Variants in PIK3C2G observed in about 807,000 individuals in gnomAD.
PIK3C2G encodes phosphatidylinositol-4-phosphate 3-kinase catalytic subunit type 2 gamma, also known as phosphatidylinositol 3-kinase C2 domain-containing subunit gamma.
PIK3C2G carries 168 observed loss-of-function variants against 181.1 expected under a neutral mutation model. The observed-to-expected ratio is 0.93, with a 90% CI of 0.82 to 1.05. PIK3C2G has a LOEUF of 1.05. Ranked by LOEUF, PIK3C2G falls within the 50% of genes least tolerant of loss-of-function variation. The pLI, the probability that PIK3C2G is intolerant of heterozygous loss-of-function variation, is 0.00. For synonymous variants in PIK3C2G, 573 were observed against 592.2 expected, an observed-to-expected ratio of 0.97 and a Z score of 0.47; for missense variants, 1,869 against 1,732.8, an observed-to-expected ratio of 1.08 and a Z score of -1.40.
At chr12:18,390,041 G>C (rs1412512891) in intron 14 of PIK3C2G, among the ~76,000 whole-genome samples, 2 of 152,076 alleles carry the variant, frequency 1.3e-5, no homozygotes, top group Non-Finnish European at 2.9e-5. Context: ...TCTTTGTCAA[G>C]AGGCAAACTT....
chr12:18,334,869 G>T (rs1356948749), intron 8 of PIK3C2G, among the ~76,000 whole-genome samples: 1 of 152,008 alleles, frequency 6.6e-6, no homozygotes, highest in Non-Finnish European at 1.5e-5. Flanking sequence ...GCATGCATTT[G>T]TATATGTATG....
At chr12:18,698,463 T>C in the PIK3C2G span, among the ~76,000 whole-genome samples, 2 of 152,106 alleles carry the variant, frequency 1.3e-5, no homozygotes, top group Admixed American at 6.6e-5. Context: ...TTAGAGAATA[T>C]GAACTAAAGT....
intron 5 of PIK3C2G, among the ~76,000 whole-genome samples, chr12:18,313,087 A>G (rs1203487298): frequency 6.6e-6 from 1 of 152,154 alleles, no homozygotes; most frequent in Non-Finnish European, 1.5e-5. Flanking sequence ...GTGCATTAAC[A>G]TAACTCATCC....
At chr12:18,356,289 C>G (rs890378073) in intron 11 of PIK3C2G, among the ~76,000 whole-genome samples, 1 of 152,100 alleles carries the variant, frequency 6.6e-6, no homozygotes, top group African/African-American at 2.4e-5. Flanking sequence ...TTCCCTTGAC[C>G]CCTTCACAGG....
the PIK3C2G span, chr12:18,719,393 AT>A: frequency 1.6e-6 from 2 of 1,245,162 alleles, no homozygotes; most frequent in South Asian, 4.3e-5. Context: ...ACTTCCAAGT[AT>A]TTTTAAATGT....
At chr12:18,394,342 C>A (rs1943728521) in intron 15 of PIK3C2G, among the ~76,000 whole-genome samples, 1 of 152,054 alleles carries the variant, frequency 6.6e-6, no homozygotes, top group South Asian at 2.1e-4. Flanking sequence ...AGAATGCTGA[C>A]TCTCAATAAT....
intron 5 of PIK3C2G, among the ~76,000 whole-genome samples, chr12:18,303,886 T>A (rs997030570): frequency 9.9e-5 from 15 of 152,166 alleles, no homozygotes; most frequent in African/African-American, 2.4e-5. Context: ...ACAATTTTTT[T>A]ATTATTTAAT....
At chr12:18,673,394 TATC>T in the PIK3C2G span, among the ~76,000 whole-genome samples, 2 of 151,910 alleles carry the variant, frequency 1.3e-5, no homozygotes, top group African/African-American at 4.8e-5. Flanking sequence ...TATATGAAAA[TATC>T]ATAAACAGAG....
the PIK3C2G span, among the ~76,000 whole-genome samples, chr12:18,692,166 G>T: frequency 6.6e-6 from 1 of 152,162 alleles, no homozygotes; most frequent in Non-Finnish European, 1.5e-5. Flanking sequence ...GCTTCACTAA[G>T]TAATGACATT....
At position 18,538,391 on chromosome 12, in the gene PIK3C2G, G is replaced by A; in HGVS notation, c.3480+79G>A. 5.6e-6 allele frequency: 7 copies of A among 1,249,556 alleles called. No homozygotes were observed. In the South Asian group the frequency reaches 1.1e-4, roughly 19 times the overall value. 77.4% of individuals were successfully genotyped at this position (1,249,556 alleles called of 1,614,324 possible). A position where few individuals can be genotyped will look rare whatever the true frequency, so the allele number is the denominator to read the frequency against. ...CTTCAGTAGTCTATTTTTACTAATGGCTTGGAGTTCCCCAAGGAGCTATTC... is the reference window on the plus strand; with the variant it reads ...CTTCAGTAGTCTATTTTTACTAATGACTTGGAGTTCCCCAAGGAGCTATTC... On this transcript the variant is annotated intron_variant, in intron 25 of 32. Coordinates refer to ENST00000538779, the MANE Select transcript of PIK3C2G (RefSeq NM_001288772.2).
intron 31 of PIK3C2G, among the ~76,000 whole-genome samples, chr12:18,632,865 T>C (rs2136738037): frequency 6.6e-6 from 1 of 152,300 alleles, no homozygotes; most frequent in Non-Finnish European, 1.5e-5. Context: ...GCTGATCTCT[T>C]TTGGAAACCC....
the PIK3C2G span, among the ~76,000 whole-genome samples, chr12:18,702,572 T>C: frequency 6.6e-6 from 1 of 152,176 alleles, no homozygotes; most frequent in African/African-American, 2.4e-5. Flanking sequence ...TTCCATCATC[T>C]TGGGTCTTCC....
intron 26 of PIK3C2G, among the ~76,000 whole-genome samples, chr12:18,554,748 C>G (rs1384518614): frequency 6.6e-6 from 1 of 152,022 alleles, no homozygotes; most frequent in African/African-American, 2.4e-5. Context: ...AAAGAAAGCA[C>G]TGGTCATATA....
chr12:18,643,609 A>G (rs1250544835), intron 32 of PIK3C2G, among the ~76,000 whole-genome samples: 1 of 151,688 alleles, frequency 6.6e-6, no homozygotes, highest in Non-Finnish European at 1.5e-5. Flanking sequence ...GCAAAGAAGC[A>G]CACTAGATGT....
intron 17 of PIK3C2G, among the ~76,000 whole-genome samples, chr12:18,421,737 C>T (rs1237609543): frequency 6.7e-6 from 1 of 149,974 alleles, no homozygotes; most frequent in African/African-American, 2.4e-5. Flanking sequence ...GGTTTTTATG[C>T]TTTGTTTTGT....
At position 18,516,211 on chromosome 12, in the gene PIK3C2G, C is replaced by T. The variant is rs145499951; in HGVS notation, c.3323+10750C>T. Among the ~76,000 whole-genome samples the T allele has an allele frequency of 1.8e-3, 277 of 150,344 alleles. 2 individuals are homozygous for T. The highest frequency in any genetic ancestry group is 3.2e-3 in the Non-Finnish European group (218 of 67,658). On this transcript the variant is annotated intron_variant, in intron 24 of 32. Transcript: ENST00000538779. ...TTTTTCTAGAAAAGTCTTTGTCTCT[C>T]CATGATGTTTTAAGAATAGCTTTGC...
chr12:18,719,003 A>C, the PIK3C2G span, among the ~76,000 whole-genome samples: 1 of 152,198 alleles, frequency 6.6e-6, no homozygotes, highest in East Asian at 1.9e-4. Flanking sequence ...GAAGTTGTAC[A>C]ATGTACTGTA....
At chr12:18,714,665 A>C in the PIK3C2G span, 2 of 152,106 alleles carry the variant, frequency 1.3e-5, no homozygotes, top group African/African-American at 4.8e-5. Context: ...CCCCATGTCT[A>C]CAGGCTACTG....
Position 18,352,795 on chromosome 12 carries a change from C to A in PIK3C2G, c.1625+5959C>A, listed in dbSNP as rs565692496. Among the ~76,000 whole-genome samples, 601 of 152,242 alleles carry A rather than the reference C, an allele frequency of 3.9e-3. 1 individual carries two copies. The highest frequency in any genetic ancestry group is 0.014 in the African/African-American group (565 of 41,558). ...TTCAGCCATTCCTGGCCAAACTCTT[C>A]TTTGAGATCCCGCTGTCAAGCCACC... On this transcript the variant is annotated intron_variant, in intron 11 of 32. Transcript: ENST00000538779.
Sources: allele counts gnomAD v4.1 joint callset (sites outside exome capture counted in the v4.1 genomes callset), GRCh38; gene constraint gnomAD v4.1.1; transcripts MANE v1.5; gene names NCBI Gene and HGNC (gene_info 2026-07-23, HGNC 2026-07-21).